LMX1A: variants seen among roughly 807,000 people sequenced by gnomAD.
The protein encoded by LMX1A is LIM homeobox transcription factor 1-alpha.
Under a neutral mutation model 49.1 loss-of-function variants are expected in LMX1A, and 15 were observed. That is an observed-to-expected ratio of 0.31 (90% confidence interval 0.20 to 0.47). The LOEUF (loss-of-function observed/expected upper bound fraction) is 0.47, where lower values mean the gene tolerates loss of function less well. Ranked by LOEUF, LMX1A falls within the 20% of genes least tolerant of loss-of-function variation. The pLI, the probability that LMX1A is intolerant of heterozygous loss-of-function variation, is 1.00. For missense variants in LMX1A, 372 were observed against 475.8 expected (o/e 0.78, Z 2.03); for synonymous variants, 167 against 185.7 (o/e 0.90, Z 0.82).
chr1:165,308,405 C>T (rs575380446), intron 3 of LMX1A, among the ~76,000 whole-genome samples: 1 of 152,170 alleles, frequency 6.6e-6, no homozygotes. Flanking sequence ...TTCAATAAGG[C>T]TCTATATACA....
At position 165,217,660 on chromosome 1, in the gene LMX1A, C is replaced by T. The variant is rs1651691768; in HGVS notation, c.497-3847G>A. On this transcript the variant is annotated intron_variant, in intron 4 of 8. Coordinates refer to ENST00000342310, the MANE Select transcript of LMX1A (RefSeq NM_177398.4). ...CCTGGCTACAGGAAAAGTGGGTCTCCCACAGTGCATATATGTGGGTTTCAC... is the reference window on the plus strand; with the variant it reads ...CCTGGCTACAGGAAAAGTGGGTCTCTCACAGTGCATATATGTGGGTTTCAC... Among the ~76,000 whole-genome samples, 3 of 152,154 alleles carry T rather than the reference C, an allele frequency of 2.0e-5. No homozygotes were observed. In the South Asian group the frequency reaches 6.2e-4, roughly 32 times the overall value.
At chr1:165,210,677 A>G (rs745848808) in intron 6 of LMX1A, 22 bp downstream of exon 6, 1 of 1,587,882 alleles carries the variant, frequency 6.3e-7, no homozygotes, top group Admixed American at 1.7e-5. Flanking sequence ...ATGGGGACAG[A>G]TAAAAGTAAG....
intron 3 of LMX1A, among the ~76,000 whole-genome samples, chr1:165,275,368 G>T (rs953794065): frequency 1.1e-4 from 16 of 152,242 alleles, no homozygotes; most frequent in African/African-American, 3.9e-4. Context: ...ATAAGCAGCA[G>T]TCTGGGCTTT....
chr1:165,290,441 C>CGT (rs34305063), intron 3 of LMX1A, among the ~76,000 whole-genome samples: 48,964 of 149,854 alleles, frequency 0.33, 8,710 homozygotes, highest in Non-Finnish European at 0.42. Context: ...ACATTGCCTT[C>CGT]GTGTGTGTGT....
rs1472333201 is a variant in LMX1A, at chr1:165,249,267, G to T, written c.496+141C>A. 60 of 618,778 alleles carry T rather than the reference G, an allele frequency of 9.7e-5. No homozygotes were observed. The East Asian group carries it at 1.6e-3, about 17-fold the overall frequency. The allele number at this position is 618,778 out of a possible 1,614,324, so 38.3% of individuals were successfully genotyped here. ...AGATTACTCTGAGCTTACAAAGAAA[G>T]TTCCTGAAATACACAGAACTGCCTT... On this transcript the variant is annotated intron_variant, in intron 4 of 8. Transcript: ENST00000342310.
At chr1:165,333,358 C>T (rs1032689711) in intron 3 of LMX1A, among the ~76,000 whole-genome samples, 14 of 152,122 alleles carry the variant, frequency 9.2e-5, no homozygotes, top group Non-Finnish European at 1.5e-4. Flanking sequence ...AGGGTTTCAC[C>T]GGGTTAGCCA....
intron 3 of LMX1A, among the ~76,000 whole-genome samples, chr1:165,316,863 G>A (rs1411537232): frequency 3.9e-5 from 6 of 152,136 alleles, no homozygotes; most frequent in African/African-American, 1.4e-4. Flanking sequence ...CTCGGGCCCG[G>A]GCAAAGCTGC....
intron 3 of LMX1A, among the ~76,000 whole-genome samples, chr1:165,259,695 A>G (rs1333836822): frequency 1.3e-5 from 2 of 152,202 alleles, no homozygotes; most frequent in Admixed American, 6.5e-5. Flanking sequence ...AAAGAAAGCT[A>G]TGATTGCTGA....
chr1:165,254,552 T>C (rs1320710991), intron 3 of LMX1A, among the ~76,000 whole-genome samples: 3 of 152,218 alleles, frequency 2.0e-5, no homozygotes, highest in Non-Finnish European at 4.4e-5. Context: ...GTCCACCACC[T>C]GTGTGCCAGA....
chr1:165,205,757 G>C, intron 8 of LMX1A, 107 bp downstream of exon 8: 1 of 1,066,592 alleles, frequency 9.4e-7, no homozygotes, highest in Non-Finnish European at 1.4e-6. Context: ...ACATTATTCT[G>C]CTTTGGAACT....
chr1:165,249,921 T>G (rs1167988614), intron 3 of LMX1A, among the ~76,000 whole-genome samples: 2 of 152,180 alleles, frequency 1.3e-5, no homozygotes, highest in African/African-American at 4.8e-5. Flanking sequence ...CAAGATCATG[T>G]CCTTTTCAGG....
At chr1:165,269,809 C>T (rs1047027691) in intron 3 of LMX1A, among the ~76,000 whole-genome samples, 15 of 152,224 alleles carry the variant, frequency 9.9e-5, no homozygotes, top group Middle Eastern at 3.4e-3. Context: ...AACCAAGCAC[C>T]GCATGTTCTC....
At chr1:165,312,791 C>CA (rs1485643176) in intron 3 of LMX1A, among the ~76,000 whole-genome samples, 2 of 152,220 alleles carry the variant, frequency 1.3e-5, no homozygotes, top group Non-Finnish European at 2.9e-5. Flanking sequence ...AACAACAAAC[C>CA]ATCCTTGCTG....
At chr1:165,275,986 G>A (rs1018144964) in intron 3 of LMX1A, among the ~76,000 whole-genome samples, 3 of 151,588 alleles carry the variant, frequency 2.0e-5, no homozygotes, top group Non-Finnish European at 2.9e-5. Flanking sequence ...TGGGAATGTC[G>A]CTGAGTTTTC....
chr1:165,225,990 G>T (rs930152845), intron 4 of LMX1A, among the ~76,000 whole-genome samples: 2 of 151,412 alleles, frequency 1.3e-5, no homozygotes, highest in Non-Finnish European at 2.9e-5. Flanking sequence ...AGTGATTCCT[G>T]CTAGTTTTGA....
intron 4 of LMX1A, among the ~76,000 whole-genome samples, chr1:165,235,623 G>A (rs1175092616): frequency 6.6e-6 from 1 of 152,072 alleles, no homozygotes; most frequent in Non-Finnish European, 1.5e-5. Context: ...GGAACGCGCG[G>A]CGGCGCGGGG....
intron 4 of LMX1A, among the ~76,000 whole-genome samples, chr1:165,219,657 G>A (rs756381340): frequency 4.6e-5 from 7 of 152,218 alleles, no homozygotes; most frequent in Non-Finnish European, 1.0e-4. Flanking sequence ...TGTAGCTACT[G>A]TTTTGAAACT....
intron 3 of LMX1A, among the ~76,000 whole-genome samples, chr1:165,346,315 C>T (rs1275971038): frequency 6.6e-6 from 1 of 152,194 alleles, no homozygotes; most frequent in Non-Finnish European, 1.5e-5. Flanking sequence ...AAAATAGGAT[C>T]CCCAAACTGG....
chr1:165,337,889 T>TGTGTGTGTGTGTGTGTGTGTGTGTGC (rs1491192997), intron 3 of LMX1A, among the ~76,000 whole-genome samples: 3 of 4,324 alleles, frequency 6.9e-4, no homozygotes, highest in African/African-American at 1.0e-3. Context: ...TGTGTGTTTC[T>TGTGTGTGTGTGTGTGTGTGTGTGTGC]GTGTGTGTGT....
Sources: gnomAD v4.1 joint callset for allele counts (sites outside exome capture counted in the v4.1 genomes callset) on GRCh38, gnomAD v4.1.1 for gene constraint, MANE v1.5 for transcripts, NCBI Gene and HGNC (gene_info 2026-07-23, HGNC 2026-07-21) for gene names.